The following LHFPL3 variants were observed in gnomAD, a reference collection of about 807,000 sequenced individuals.
The protein encoded by LHFPL3 is LHFPL tetraspan subfamily member 3 protein.
Under a neutral mutation model 19.3 loss-of-function variants are expected in LHFPL3, and 5 were observed. The observed-to-expected ratio is 0.26, with a 90% confidence interval of 0.14 to 0.54. The LOEUF (loss-of-function observed/expected upper bound fraction) is 0.54, where lower values mean the gene tolerates loss of function less well. LHFPL3 is among the 20% of genes least tolerant of loss of function. The pLI, the probability that LHFPL3 is intolerant of heterozygous loss-of-function variation, is 0.94. For synonymous variants in LHFPL3, 133 were observed against 126.2 expected (o/e 1.05, Z -0.36); for missense variants, 249 against 307.4 (o/e 0.81, Z 1.42).
chr7:104,492,445 A>T (rs982698821), intron 1 of LHFPL3, among the ~76,000 whole-genome samples: 1 of 152,194 alleles, frequency 6.6e-6, no homozygotes, highest in Admixed American at 6.5e-5. Context: ...GACATGTCAG[A>T]CCCGGGACCA....
chr7:104,899,460 C>T (rs771622337), intron 2 of LHFPL3, among the ~76,000 whole-genome samples: 36 of 151,834 alleles, frequency 2.4e-4, no homozygotes, highest in Non-Finnish European at 4.3e-4. Flanking sequence ...GGACAGACCT[C>T]GCTGAGAGAG....
At chr7:104,619,698 G>T (rs142621121) in intron 1 of LHFPL3, among the ~76,000 whole-genome samples, 62 of 152,078 alleles carry the variant, frequency 4.1e-4, no homozygotes, top group African/African-American at 1.2e-3. Context: ...GTTCTCGATG[G>T]GGGGAGAATA....
Position 104,908,464 on chromosome 7 carries a change from A to G in LHFPL3, c.*2249A>G, listed in dbSNP as rs1792661787. On this transcript the variant is annotated 3_prime_UTR_variant, in exon 3 of 3. Transcript: ENST00000424859. ...GTATTGCGTCCAAAAGTTGTGTGTA[A>G]TTTTTTTAAGGTCCAAGAAATGTAA... Among the ~76,000 whole-genome samples, 1 of 152,242 alleles carries G rather than the reference A, an allele frequency of 6.6e-6. No individual in the cohort carries two copies. The highest frequency in any genetic ancestry group is 1.5e-5 in the Non-Finnish European group (1 of 68,000).
At chr7:104,393,574 G>A (rs1187745466) in intron 1 of LHFPL3, among the ~76,000 whole-genome samples, 1 of 151,994 alleles carries the variant, frequency 6.6e-6, no homozygotes, top group Non-Finnish European at 1.5e-5. Flanking sequence ...AAATTAGCTG[G>A]GCATGGTGGT....
intron 1 of LHFPL3, among the ~76,000 whole-genome samples, chr7:104,597,449 C>CCTGCATGCTGCAA (rs1790885389): frequency 6.6e-6 from 1 of 152,174 alleles, no homozygotes; most frequent in Non-Finnish European, 1.5e-5. Flanking sequence ...AGTTTGCAGG[C>CCTGCATGCTGCAA]TGCTGATAAT....
At chr7:104,471,428 C>T (rs1260147727) in intron 1 of LHFPL3, among the ~76,000 whole-genome samples, 1 of 152,168 alleles carries the variant, frequency 6.6e-6, no homozygotes. Flanking sequence ...CTATAGTTCT[C>T]ATATACATTA....
chr7:104,864,088 T>C (rs1791668875), intron 2 of LHFPL3, among the ~76,000 whole-genome samples: 1 of 152,214 alleles, frequency 6.6e-6, no homozygotes, highest in South Asian at 2.1e-4. Context: ...GATTGTAAAC[T>C]TCAACAAATA....
intron 1 of LHFPL3, among the ~76,000 whole-genome samples, chr7:104,728,980 A>T (rs1302509338): frequency 1.3e-5 from 2 of 152,230 alleles, no homozygotes; most frequent in African/African-American, 4.8e-5. Context: ...AAAAAGAGAC[A>T]ACATGGCTAC....
chr7:104,502,014 A>G (rs1269309366), intron 1 of LHFPL3, among the ~76,000 whole-genome samples: 4 of 152,356 alleles, frequency 2.6e-5, no homozygotes, highest in South Asian at 2.1e-4. Flanking sequence ...TTGTAAATGC[A>G]TTTGGACAAT....
intron 1 of LHFPL3, among the ~76,000 whole-genome samples, chr7:104,641,119 T>C (rs1483958969): frequency 6.6e-6 from 1 of 152,180 alleles, no homozygotes; most frequent in Non-Finnish European, 1.5e-5. Context: ...TCAACTGTGT[T>C]TTGGTACTGC....
chr7:104,602,611 C>G (rs1393907310), intron 1 of LHFPL3, among the ~76,000 whole-genome samples: 1 of 152,212 alleles, frequency 6.6e-6, no homozygotes, highest in Non-Finnish European at 1.5e-5. Flanking sequence ...CTCAAGGACA[C>G]AGAATCAATA....
intron 2 of LHFPL3, among the ~76,000 whole-genome samples, chr7:104,808,890 CTTTTTTT>C (rs151212974): frequency 1.3e-5 from 1 of 77,214 alleles, no homozygotes; most frequent in Non-Finnish European, 2.4e-5. Flanking sequence ...ATGATAGATC[CTTTTTTT>C]TTTTTTTTTT....
At chr7:104,653,810 T>C (rs781636188) in intron 1 of LHFPL3, among the ~76,000 whole-genome samples, 3 of 152,158 alleles carry the variant, frequency 2.0e-5, no homozygotes, top group Non-Finnish European at 2.9e-5. Flanking sequence ...GAAAAAAAAT[T>C]ACAGCCTCAT....
chr7:104,675,658 T>C (rs2116062791), intron 1 of LHFPL3, among the ~76,000 whole-genome samples: 2 of 152,226 alleles, frequency 1.3e-5, no homozygotes, highest in East Asian at 3.9e-4. Context: ...AATAATCACA[T>C]TTTGAGTTGA....
intron 1 of LHFPL3, among the ~76,000 whole-genome samples, chr7:104,555,433 G>C (rs1794744906): frequency 6.6e-6 from 1 of 152,182 alleles, no homozygotes; most frequent in African/African-American, 2.4e-5. Context: ...GGAGGAGCAA[G>C]TCACATCTTA....
Position 104,736,828 on chromosome 7 carries a change from C to A in LHFPL3, c.599C>A (p.Ala200Asp). The A allele has an allele frequency of 6.2e-7, 1 of 1,613,032 alleles. No homozygotes were observed. Residue 200 changes from alanine to aspartate, a missense_variant, in exon 2 of 3, where the codon GCC becomes GAC. Transcript: ENST00000424859. ...YILAIIGILD[A>D]LILSFLAFVL... Reference sequence around the variant, plus strand: ...CTGGCTATTATTGGAATTTTGGATGCCCTGATCCTCTCATTTCTAGCATTT... The same window carrying A: ...CTGGCTATTATTGGAATTTTGGATGACCTGATCCTCTCATTTCTAGCATTT...
intron 1 of LHFPL3, among the ~76,000 whole-genome samples, chr7:104,523,083 G>A (rs7785339): frequency 0.61 from 92,182 of 151,420 alleles, 28,327 homozygotes; most frequent in African/African-American, 0.68. Context: ...ACATATGCAT[G>A]TTATATATAC....
intron 2 of LHFPL3, among the ~76,000 whole-genome samples, chr7:104,861,502 G>A (rs984850558): frequency 6.6e-6 from 1 of 152,132 alleles, no homozygotes; most frequent in African/African-American, 2.4e-5. Context: ...AGAGGACTTG[G>A]GAGAACCTTG....
intron 2 of LHFPL3, among the ~76,000 whole-genome samples, chr7:104,839,519 A>G (rs997192327): frequency 5.9e-5 from 9 of 152,208 alleles, no homozygotes; most frequent in Admixed American, 2.0e-4. Flanking sequence ...AATACAAAAA[A>G]TTAACCAGGC....
Sources: allele counts gnomAD v4.1 joint callset (sites outside exome capture counted in the v4.1 genomes callset), GRCh38; gene constraint gnomAD v4.1.1; transcripts MANE v1.5; gene names NCBI Gene and HGNC (gene_info 2026-07-23, HGNC 2026-07-21).